TNS1: variants seen among roughly 807,000 people sequenced by gnomAD.
The protein encoded by TNS1 is tensin-1.
In TNS1, 62 loss-of-function variants were observed where a neutral mutation model predicts 168.6. The ratio of observed to expected loss-of-function variants is 0.37; its 90% CI spans 0.30 to 0.45. The LOEUF (loss-of-function observed/expected upper bound fraction) is 0.45, where lower values mean the gene tolerates loss of function less well. TNS1 is among the 20% of genes least tolerant of loss of function. TNS1 has a pLI of 1.00. For synonymous variants in TNS1, 934 were observed against 933.2 expected, an observed-to-expected ratio of 1.00 and a Z score of -0.02; for missense variants, 2,240 against 2,339.4, an observed-to-expected ratio of 0.96 and a Z score of 0.88.
chr2:217,846,336 C>T (rs1946644763), intron 19 of TNS1, among the ~76,000 whole-genome samples: 2 of 152,182 alleles, frequency 1.3e-5, no homozygotes, highest in African/African-American at 4.8e-5. Context: ...CCTGTGTCCC[C>T]ACACCAGGTC....
At chr2:218,006,677 G>A (rs1030109129), upstream of TNS1, among the ~76,000 whole-genome samples, 13 of 152,142 alleles carry the variant, frequency 8.5e-5, no homozygotes, top group East Asian at 1.9e-4. Flanking sequence ...TGAGGGGGAT[G>A]CCCACTCCTT....
At position 217,800,234 on chromosome 2, in the gene TNS1, T is replaced by A. The variant is rs1202561692; in HGVS notation, c.*4225A>T. The A allele has an allele frequency of 6.6e-6, 1 of 152,170 alleles. No individual in the cohort carries two copies. The highest frequency in any genetic ancestry group is 2.4e-5 in the African/African-American group (1 of 41,426). The allele number at this position is 152,170 out of a possible 1,614,324, so 9.4% of individuals were successfully genotyped here. A position where few individuals can be genotyped will look rare whatever the true frequency, so the allele number is the denominator to read the frequency against. ...CTGATTGGAAAACAAGCTTGGGACA[T>A]CCCTCTACAGTAACTCCACTGCTGG... On this transcript the variant is annotated 3_prime_UTR_variant, in exon 33 of 33. Transcript: ENST00000682258.
chr2:217,918,980 C>T (rs1955431149), intron 4 of TNS1, among the ~76,000 whole-genome samples: 1 of 104,784 alleles, frequency 9.5e-6, no homozygotes, highest in South Asian at 4.0e-4. Context: ...GGGACCACTG[C>T]AAAGAAGGTA....
chr2:217,957,862 A>AG (rs1957403691), intron 3 of TNS1, among the ~76,000 whole-genome samples: 2 of 141,748 alleles, frequency 1.4e-5, no homozygotes, highest in African/African-American at 2.8e-5. Flanking sequence ...AAAAAAAAAA[A>AG]GGTGGGGAGA....
rs117516756 is a variant in TNS1, at chr2:217,913,238, C to A, written c.229-5987G>T. ...CAGGCCACCAGAGGAAAAGAATAGG[C>A]TCCATGTGATTAAGGGGAGAGTTAT... On this transcript the variant is annotated intron_variant, in intron 4 of 32. Coordinates refer to ENST00000682258, the MANE Select transcript of TNS1 (RefSeq NM_001387777.1). 1.0e-3 allele frequency among the ~76,000 whole-genome samples: 152 copies of A among 152,304 alleles called. No homozygotes were observed. The East Asian group carries it at 0.025, about 25-fold the overall frequency.
At chr2:217,970,142 G>A (rs1308450254) in intron 3 of TNS1, among the ~76,000 whole-genome samples, 1 of 152,232 alleles carries the variant, frequency 6.6e-6, no homozygotes, top group Non-Finnish European at 1.5e-5. Flanking sequence ...GAAACCTCCA[G>A]AAGCTGGAAA....
At chr2:217,936,016 C>T (rs1956587908) in intron 3 of TNS1, among the ~76,000 whole-genome samples, 1 of 152,216 alleles carries the variant, frequency 6.6e-6, no homozygotes, top group Non-Finnish European at 1.5e-5. Context: ...TTCATCAACA[C>T]ACAGTCCCTG....
rs1051267879 is a variant in TNS1 at position 217,880,616 on chromosome 2, A to G, written c.1429+282T>C. Reference sequence around the variant, plus strand: ...CCTCCCTGCCAATCCCAGAGAACTCACTGTCCACGGAACTTACTTGGCTGT... The same window carrying G: ...CCTCCCTGCCAATCCCAGAGAACTCGCTGTCCACGGAACTTACTTGGCTGT... On this transcript the variant is annotated intron_variant, in intron 18 of 32. Transcript: ENST00000682258. The surrounding 1 kb of genome is among the most constrained non-coding windows in gnomAD (Gnocchi z 4.2). Among the ~76,000 whole-genome samples the G allele has an allele frequency of 2.6e-5, 4 of 152,218 alleles. No homozygotes were observed. Among genetic ancestry groups the G allele is most frequent in the African/African-American group, 7.2e-5 (3 of 41,458 alleles).
intron 22 of TNS1, among the ~76,000 whole-genome samples, chr2:217,827,574 C>G (rs1357774601): frequency 6.6e-6 from 1 of 152,204 alleles, no homozygotes; most frequent in Non-Finnish European, 1.5e-5. Flanking sequence ...GGCACGGTGC[C>G]TGCAGGCAGG....
chr2:217,893,456 C>G lies in TNS1; in HGVS notation c.700G>C (p.Val234Leu). The G allele has an allele frequency of 6.2e-7, 1 of 1,606,914 alleles. No homozygotes were observed. The change falls in exon 10 of 33, where the codon GTT becomes CTT. Residue 234 changes from valine to leucine, a missense_variant. Coordinates refer to ENST00000682258, the MANE Select transcript of TNS1 (RefSeq NM_001387777.1). ...GCTCTGACCTTGTTGTGTAGAACAACGACATTGTGAGGGTCTGCATTGAGC... is the reference window on the plus strand; with the variant it reads ...GCTCTGACCTTGTTGTGTAGAACAAGGACATTGTGAGGGTCTGCATTGAGC... Reference protein sequence around the residue: ...TWLNADPHNVVVLHNKGNRGR... With the variant: ...TWLNADPHNVLVLHNKGNRGR...
intron 22 of TNS1, among the ~76,000 whole-genome samples, chr2:217,829,546 C>T (rs982520923): frequency 6.6e-5 from 10 of 152,158 alleles, no homozygotes; most frequent in Non-Finnish European, 1.0e-4. Flanking sequence ...GTGCAAATGG[C>T]GCTGGGAGAG....
intron 3 of TNS1, among the ~76,000 whole-genome samples, chr2:217,963,887 T>TCC (rs1223879202): frequency 2.6e-5 from 2 of 75,724 alleles, no homozygotes; most frequent in Non-Finnish European, 5.7e-5. Context: ...CTACTAAAAA[T>TCC]ACAAAAAAAA....
At chr2:217,905,061 C>T (rs749455870) in intron 6 of TNS1, among the ~76,000 whole-genome samples, 5 of 152,278 alleles carry the variant, frequency 3.3e-5, no homozygotes, top group South Asian at 2.1e-4. Flanking sequence ...TCAGGAGGAT[C>T]GCAAAACACC....
chr2:217,917,603 G>A (rs1320071593), intron 4 of TNS1, among the ~76,000 whole-genome samples: 6 of 152,008 alleles, frequency 3.9e-5, no homozygotes, highest in East Asian at 1.9e-4. Context: ...AGGCCGAGGC[G>A]GGAGGATCAT....
chr2:217,959,843 G>T (rs1252410195), intron 3 of TNS1, among the ~76,000 whole-genome samples: 1 of 144,304 alleles, frequency 6.9e-6, no homozygotes, highest in Non-Finnish European at 1.5e-5. Context: ...GCAAGTGGGG[G>T]CCTCAGCTCT....
At chr2:217,989,570 C>T (rs1393770828) in intron 2 of TNS1, among the ~76,000 whole-genome samples, 1 of 152,108 alleles carries the variant, frequency 6.6e-6, no homozygotes, top group Non-Finnish European at 1.5e-5. Flanking sequence ...CTGCTGATTT[C>T]ACTGTGTGAT....
At chr2:217,930,361 G>T (rs972290331) in intron 3 of TNS1, among the ~76,000 whole-genome samples, 2 of 152,232 alleles carry the variant, frequency 1.3e-5, no homozygotes, top group Non-Finnish European at 2.9e-5. Flanking sequence ...GTTTCATGGA[G>T]AACATGGCCT....
intron 18 of TNS1, among the ~76,000 whole-genome samples, chr2:217,854,825 G>A (rs564563247): frequency 8.5e-4 from 130 of 152,294 alleles, no homozygotes; most frequent in African/African-American, 3.0e-3. Context: ...AGGCCACAAG[G>A]GATGGCTCTG....
intron 1 of TNS1, among the ~76,000 whole-genome samples, chr2:218,008,188 T>G (rs1958676725): frequency 1.3e-5 from 2 of 152,124 alleles, no homozygotes; most frequent in African/African-American, 4.8e-5. Context: ...CAACAATGCT[T>G]AATAAGATCC....
Sources: allele counts gnomAD v4.1 joint callset (sites outside exome capture counted in the v4.1 genomes callset), GRCh38; gene constraint gnomAD v4.1.1; non-coding constraint Gnocchi (gnomAD v3.1); transcripts MANE v1.5; gene names NCBI Gene and HGNC (gene_info 2026-07-23, HGNC 2026-07-21).